The following XRN2 variants were observed in gnomAD, a reference collection of about 807,000 sequenced individuals.
XRN2 encodes the protein 5'-3' exoribonuclease 2, also known as DHM1-like protein.
In XRN2, 44 loss-of-function variants were observed where a neutral mutation model predicts 138.5. That is an observed-to-expected ratio of 0.32 (90% CI 0.25 to 0.41). XRN2 has a LOEUF of 0.41. Ranked by LOEUF, XRN2 falls within the 10% of genes least tolerant of loss-of-function variation. XRN2 has a pLI of 1.00. For missense variants in XRN2, 937 were observed against 1,169.3 expected (o/e 0.80, Z 2.90); for synonymous variants, 354 against 369.4 (o/e 0.96, Z 0.48).
rs370081050 is a variant in XRN2 at position 21,371,102 on chromosome 20, GC to G, written c.2584+2513del. ...TACTTTGTTATAGATACCCCTCAGA[GC>G]TGTTTTTAAACCGAAGCTGTACTTA... is the stretch of plus-strand genomic sequence containing the variant. On this transcript the variant is annotated intron_variant, in intron 27 of 29. Transcript: ENST00000377191. Among the ~76,000 whole-genome samples the G allele has an allele frequency of 2.3e-3, 352 of 152,270 alleles. 3 individuals carry two copies. Among genetic ancestry groups the G allele is most frequent in the African/African-American group, 8.1e-3 (336 of 41,546 alleles).
intron 27 of XRN2, among the ~76,000 whole-genome samples, chr20:21,378,527 C>T (rs2038849956): frequency 6.6e-6 from 1 of 152,124 alleles, no homozygotes; most frequent in African/African-American, 2.4e-5. Context: ...GAAAATAGTA[C>T]AGAGGATAAG....
chr20:21,386,347 A>T (rs2038936073), intron 28 of XRN2, among the ~76,000 whole-genome samples: 1 of 152,252 alleles, frequency 6.6e-6, no homozygotes, highest in Admixed American at 6.5e-5. Flanking sequence ...ACCTTCTGAC[A>T]TATTGAACAG....
chr20:21,326,446 GAGGAA>G (rs764915313), intron 2 of XRN2, 39 bp from the exon 3 acceptor site: 2 of 1,613,680 alleles, frequency 1.2e-6, no homozygotes, highest in Non-Finnish European at 1.7e-6. Flanking sequence ...GCAAATCACA[GAGGAA>G]ACATTATATT....
chr20:21,356,641 A>T lies in XRN2; in HGVS notation c.2174A>T (p.Asp725Val). ...GGGATTCAAGGAAAGTTTTCTTTGG[A>T]TGAAGAAGCCATTCTTCCAGATCAG... ...CHGIQGKFSL[D>V]EEAILPDQIV... The change falls in exon 23 of 30, where the codon GAT (aspartate) becomes GTT (valine). Residue 725 changes from aspartate to valine, a missense_variant. Asp to Val is a radical substitution (Grantham distance 152). Coordinates refer to ENST00000377191, the MANE Select transcript of XRN2 (RefSeq NM_012255.5). 3.7e-6 allele frequency: 6 copies of T among 1,613,660 alleles called. No homozygotes were observed. The highest frequency in any genetic ancestry group is 5.1e-6 in the Non-Finnish European group (6 of 1,179,694).
rs1030062205 is a variant in XRN2, at chr20:21,329,796, T to G, written c.428-685T>G. 8.7e-5 allele frequency among the ~76,000 whole-genome samples: 13 copies of G among 148,978 alleles called. No homozygotes were observed. In the Admixed American group the frequency reaches 8.9e-4, roughly 10 times the overall value. ...CTGTGATGAACTCGGCATTTTAAAT[T>G]TCATTTTTCTTAGGCACCTTTATTT... On this transcript the variant is annotated intron_variant, in intron 4 of 29. Coordinates refer to ENST00000377191, the MANE Select transcript of XRN2 (RefSeq NM_012255.5).
At chr20:21,304,553 C>T (rs1029961876) in intron 1 of XRN2, among the ~76,000 whole-genome samples, 6 of 152,122 alleles carry the variant, frequency 3.9e-5, no homozygotes, top group Non-Finnish European at 1.5e-5. Context: ...TGCTCTACCC[C>T]TTCTCATCCC....
At chr20:21,380,876 T>C (rs755335616) in intron 27 of XRN2, among the ~76,000 whole-genome samples, 26 of 152,208 alleles carry the variant, frequency 1.7e-4, no homozygotes, top group Non-Finnish European at 2.1e-4. Context: ...AGGAAAACTT[T>C]CTTCAGTCTG....
Position 21,329,908 on chromosome 20 carries a change from C to T in XRN2, c.428-573C>T, listed in dbSNP as rs764261056. Among the ~76,000 whole-genome samples the T allele has an allele frequency of 3.3e-4, 49 of 148,616 alleles. No individual in the cohort carries two copies. The South Asian group carries it at 3.8e-3, about 12-fold the overall frequency. On this transcript the variant is annotated intron_variant, in intron 4 of 29. Transcript: ENST00000377191. ...GTGTGTGTGTGTGTGTATTCTCTTA[C>T]AGAGTGAAGAACTTCATAATTTTTA...
chr20:21,355,770 A>G (rs1198497696), intron 21 of XRN2, among the ~76,000 whole-genome samples: 1 of 152,124 alleles, frequency 6.6e-6, no homozygotes, highest in South Asian at 2.1e-4. Context: ...TTTGATACCT[A>G]TATACAATAT....
chr20:21,349,752 TAAATG>T (rs1410626151), intron 20 of XRN2, among the ~76,000 whole-genome samples: 2 of 152,206 alleles, frequency 1.3e-5, no homozygotes, highest in African/African-American at 4.8e-5. Context: ...CATAAATAAA[TAAATG>T]AATAAATAAA....
chr20:21,331,424 C>CAT (rs2038206732), intron 6 of XRN2, 137 bp from the exon 7 acceptor site: 1 of 694,736 alleles, frequency 1.4e-6, no homozygotes, highest in Non-Finnish European at 2.5e-6. Flanking sequence ...CACACACACA[C>CAT]ACACACACAC....
At chr20:21,331,994 A>G (rs1215508119) in intron 8 of XRN2, among the ~76,000 whole-genome samples, 176 bp downstream of exon 8, 1 of 152,156 alleles carries the variant, frequency 6.6e-6, no homozygotes, top group African/African-American at 2.4e-5. Context: ...AATGATCTTT[A>G]ATTTCTTTTC....
At chr20:21,371,057 A>T (rs1200983406) in intron 27 of XRN2, among the ~76,000 whole-genome samples, 1 of 152,186 alleles carries the variant, frequency 6.6e-6, no homozygotes, top group Non-Finnish European at 1.5e-5. Context: ...TAAAAATTTG[A>T]TTTCCAAAAA....
chr20:21,303,656 G>C (rs2037770948), intron 1 of XRN2, 183 bp downstream of exon 1: 1 of 1,335,278 alleles, frequency 7.5e-7, no homozygotes, highest in Non-Finnish European at 9.5e-7. Context: ...TCAGCACCCC[G>C]GGGGCGAGGA....
chr20:21,375,781 A>G (rs2038813501), intron 27 of XRN2, among the ~76,000 whole-genome samples: 1 of 151,496 alleles, frequency 6.6e-6, no homozygotes, highest in Admixed American at 6.6e-5. Context: ...GAGAATGTCT[A>G]ATATCCCACT....
chr20:21,321,324 TG>T (rs2038040494), intron 1 of XRN2, among the ~76,000 whole-genome samples: 6 of 149,554 alleles, frequency 4.0e-5, no homozygotes, highest in Admixed American at 4.0e-4. Flanking sequence ...TGTGTGTGTG[TG>T]TGTGTGTGTG....
intron 1 of XRN2, among the ~76,000 whole-genome samples, chr20:21,317,885 A>G (rs574790585): frequency 1.3e-5 from 2 of 152,302 alleles, no homozygotes; most frequent in South Asian, 2.1e-4. Flanking sequence ...CATGCTCATA[A>G]GAGATGCTGG....
intron 13 of XRN2, among the ~76,000 whole-genome samples, chr20:21,338,055 A>G (rs1364343272): frequency 6.6e-6 from 1 of 152,092 alleles, no homozygotes; most frequent in African/African-American, 2.4e-5. Flanking sequence ...AGAGCAGGAG[A>G]CTTATGTATC....
At chr20:21,375,829 T>TTTTTTTTATTTA (rs2038814892) in intron 27 of XRN2, among the ~76,000 whole-genome samples, 1 of 135,904 alleles carries the variant, frequency 7.4e-6, no homozygotes, top group Admixed American at 7.3e-5. Flanking sequence ...TTTATTTATT[T>TTTTTTTTATTTA]TTTATTTATT....
Sources: gnomAD v4.1 joint callset for allele counts (sites outside exome capture counted in the v4.1 genomes callset) on GRCh38, gnomAD v4.1.1 for gene constraint, MANE v1.5 for transcripts, NCBI Gene and HGNC (gene_info 2026-07-23, HGNC 2026-07-21) for gene names.